Variants in MYO1A observed in about 807,000 individuals in gnomAD.
MYO1A encodes myosin IA, also known as unconventional myosin-Ia.
A neutral mutation model predicts 138.5 loss-of-function variants in MYO1A; 127 were observed. The ratio of observed to expected loss-of-function variants is 0.92; its 90% CI spans 0.79 to 1.06. MYO1A has a LOEUF of 1.06. Ranked by LOEUF, MYO1A falls within the 50% of genes least tolerant of loss-of-function variation. MYO1A has a pLI of 0.00. For synonymous variants in MYO1A, 477 were observed against 497.5 expected (o/e 0.96, Z 0.55); for missense variants, 1,211 against 1,288.8 (o/e 0.94, Z 0.92).
Position 57,028,748 on chromosome 12 carries a change from C to T in MYO1A, c.*7G>A. 1 of 1,613,872 alleles carries T rather than the reference C, an allele frequency of 6.2e-7. No individual in the cohort carries two copies. ...AGCAACTGCCATCTCTGCATGGTGC[C>T]CCCTCCTCACTGCACAGTCACCTCC... On this transcript the variant is annotated 3_prime_UTR_variant, in exon 28 of 28. Coordinates refer to ENST00000300119, the MANE Select transcript of MYO1A (RefSeq NM_005379.4).
At chr12:57,044,915 G>A (rs2031029298) in intron 8 of MYO1A, among the ~76,000 whole-genome samples, 1 of 152,186 alleles carries the variant, frequency 6.6e-6, no homozygotes, top group South Asian at 2.1e-4. Flanking sequence ...CCTGCCCCCA[G>A]CCTCAACTCT....
Position 57,047,159 on chromosome 12 carries a change from A to C in MYO1A, c.431-52T>G. The C allele has an allele frequency of 1.9e-6, 3 of 1,605,018 alleles. 1 individual carries two copies. In the South Asian group the frequency reaches 3.3e-5, roughly 18 times the overall value. ...AAACTCTAGAGAAGGGAAAGGAGGA[A>C]GGGCTTCCAGTCCTCATGACAATCT... On this transcript the variant is annotated intron_variant, in intron 5 of 27. Transcript: ENST00000300119.
At chr12:57,040,318 C>T (rs1028988188) in intron 14 of MYO1A, among the ~76,000 whole-genome samples, 2 of 152,152 alleles carry the variant, frequency 1.3e-5, no homozygotes, top group African/African-American at 4.8e-5. Flanking sequence ...AGTGTATTTA[C>T]TGCCATTTGT....
intron 23 of MYO1A, 42 bp from the exon 24 acceptor site, chr12:57,030,358 A>C: frequency 2.7e-5 from 21 of 781,608 alleles, no homozygotes; most frequent in Non-Finnish European, 4.2e-5. Context: ...ATAGAGTGGG[A>C]GGGCAGGGCT....
intron 22 of MYO1A, among the ~76,000 whole-genome samples, chr12:57,033,335 C>A (rs745540906): frequency 6.6e-6 from 1 of 152,138 alleles, no homozygotes; most frequent in Non-Finnish European, 1.5e-5. Context: ...CAATCTAGAA[C>A]AAGGATTCTT....
At position 57,028,764 on chromosome 12, in the gene MYO1A, A is replaced by G; in HGVS notation, c.3123T>C (p.Thr1041=). 6.2e-7 allele frequency: 1 copy of G among 1,614,110 alleles called. No individual in the cohort carries two copies. The highest frequency in any genetic ancestry group is 8.5e-7 in the Non-Finnish European group (1 of 1,179,990). Reference sequence around the variant, plus strand: ...GCATGGTGCCCCCTCCTCACTGCACAGTCACCTCCAAGCAATGACTCCCCT... The same window carrying G: ...GCATGGTGCCCCCTCCTCACTGCACGGTCACCTCCAAGCAATGACTCCCCT... The part of the protein sequence containing the change: ...KKKGSHCLEV[T]VQ Residue 1041 remains threonine (T), a synonymous_variant, in exon 28 of 28, where the codon ACT becomes ACC. Transcript: ENST00000300119.
chr12:57,037,603 G>C lies in MYO1A; in HGVS notation c.2000C>G (p.Ser667Cys). The change falls in exon 19 of 28, where the codon TCC (serine) becomes TGC (cysteine). Residue 667 changes from serine to cysteine, a missense_variant. Physicochemically the swap from Ser to Cys is moderately radical, Grantham distance 112. Coordinates refer to ENST00000300119, the MANE Select transcript of MYO1A (RefSeq NM_005379.4). The part of the protein sequence containing the change: ...VEKVLGELSM[S>C]SGELAFGKTK... ...CTTGCCAAAGGCCAGCTCCCCCGAGGACATGCTCAGCTCCCCCAGGACCTT... is the reference window on the plus strand; with the variant it reads ...CTTGCCAAAGGCCAGCTCCCCCGAGCACATGCTCAGCTCCCCCAGGACCTT... 6.2e-7 allele frequency: 1 copy of C among 1,614,144 alleles called. No individual in the cohort carries two copies. The highest frequency in any genetic ancestry group is 1.1e-5 in the South Asian group (1 of 91,076).
rs768857384 is a variant in MYO1A, at chr12:57,047,381, C to T, written c.352G>A (p.Val118Met). The change falls in exon 5 of 28, where the codon GTG becomes ATG. Residue 118 changes from valine (V) to methionine (M), a missense_variant. Transcript: ENST00000300119. ...TCTCCTTTCCCACAGACGGCAGCCA[C>T]ATAAGACATCACCAGCTTGCTGGCC... ...TEASKLVMSY[V>M]AAVCGKGEQV... The T allele has an allele frequency of 2.5e-6, 4 of 1,614,150 alleles. No individual in the cohort carries two copies. Among genetic ancestry groups the T allele is most frequent in the Admixed American group, 1.7e-5 (1 of 60,032 alleles).
chr12:57,033,804 A>T (rs2030402405), intron 22 of MYO1A, among the ~76,000 whole-genome samples: 1 of 152,242 alleles, frequency 6.6e-6, no homozygotes, highest in African/African-American at 2.4e-5. Flanking sequence ...AGGTTAAAAA[A>T]TTTAAATAGA....
intron 8 of MYO1A, among the ~76,000 whole-genome samples, chr12:57,044,929 C>T (rs747604357): frequency 1.2e-4 from 18 of 152,148 alleles, no homozygotes; most frequent in African/African-American, 2.9e-4. Context: ...CAACTCTTGG[C>T]GTGGGTTGCT....
chr12:57,046,745 T>A, intron 7 of MYO1A, 95 bp from the exon 8 acceptor site: 1 of 1,493,596 alleles, frequency 6.7e-7, no homozygotes, highest in Non-Finnish European at 9.3e-7. Context: ...CCGGCATTCC[T>A]AGTGGTTGGG....
intron 22 of MYO1A, among the ~76,000 whole-genome samples, chr12:57,031,484 C>A (rs1333786426): frequency 6.6e-6 from 1 of 152,132 alleles, no homozygotes; most frequent in Non-Finnish European, 1.5e-5. Context: ...AAGTTTTGCT[C>A]CTGTAGCTTT....
intron 8 of MYO1A, 80 bp from the exon 9 acceptor site, chr12:57,044,289 G>T: frequency 9.1e-7 from 1 of 1,094,644 alleles, no homozygotes; most frequent in Non-Finnish European, 1.4e-6. Flanking sequence ...CACAGCCCTT[G>T]CCCTAATGGA....
intron 12 of MYO1A, among the ~76,000 whole-genome samples, chr12:57,042,150 C>T (rs151073752): frequency 1.3e-5 from 2 of 152,278 alleles, no homozygotes; most frequent in African/African-American, 4.8e-5. Context: ...ATACCCCTCT[C>T]CCCCCAGCCC....
At chr12:57,040,067 C>T (rs3886083) in intron 14 of MYO1A, among the ~76,000 whole-genome samples, 4,808 of 152,334 alleles carry the variant, frequency 0.032, 95 homozygotes, top group Middle Eastern at 0.078. Flanking sequence ...GTCAGACGCT[C>T]CAGGCTGGGA....
chr12:57,043,027 G>T, intron 12 of MYO1A, 45 bp downstream of exon 12: 1 of 1,596,014 alleles, frequency 6.3e-7, no homozygotes. Context: ...GGGCAGGAAG[G>T]TGAGGCAGAC....
At chr12:57,029,333 C>G in intron 26 of MYO1A, 74 bp from the exon 27 acceptor site, 1 of 1,612,916 alleles carries the variant, frequency 6.2e-7, no homozygotes, top group East Asian at 2.2e-5. Context: ...ACATCAAAGG[C>G]CCAGAGCGAA....
chr12:57,050,705 T>C (rs2031306156), upstream of MYO1A: 1 of 152,196 alleles, frequency 6.6e-6, no homozygotes, highest in Non-Finnish European at 1.5e-5. Context: ...ATTAAAGTGA[T>C]TAGTAATAAT....
At chr12:57,036,412 G>A in intron 21 of MYO1A, 31 bp from the exon 22 acceptor site, 1 of 1,599,716 alleles carries the variant, frequency 6.3e-7, no homozygotes, top group Non-Finnish European at 8.6e-7. Flanking sequence ...AGGAGCCAAA[G>A]TGAAGATAGG....
Sources: gnomAD v4.1 joint callset for allele counts (sites outside exome capture counted in the v4.1 genomes callset) on GRCh38, gnomAD v4.1.1 for gene constraint, MANE v1.5 for transcripts, NCBI Gene and HGNC (gene_info 2026-07-23, HGNC 2026-07-21) for gene names.